The following CCL23 variants were observed in gnomAD, a reference collection of about 807,000 sequenced individuals.
CCL23 encodes the protein C-C motif chemokine ligand 23.
In CCL23, 10 loss-of-function variants were observed where a neutral mutation model predicts 11.8. That is an observed-to-expected ratio of 0.84 (90% CI 0.52 to 1.43). The LOEUF is 1.43. CCL23 is among the 40% of genes most tolerant of loss of function. The pLI, the probability that CCL23 is intolerant of heterozygous loss-of-function variation, is 0.00. For missense variants in CCL23, 181 were observed against 170.9 expected, an observed-to-expected ratio of 1.06 and a Z score of -0.33; for synonymous variants, 60 against 61.0, an observed-to-expected ratio of 0.98 and a Z score of 0.07.
At chr17:36,014,914 A>G (rs1378235946) in intron 1 of CCL23, among the ~76,000 whole-genome samples, 1 of 151,986 alleles carries the variant, frequency 6.6e-6, no homozygotes, top group Non-Finnish European at 1.5e-5. Context: ...AGTACCATCA[A>G]TATATGTTTA....
rs1187498231 is a variant in CCL23 at position 36,013,795 on chromosome 17, A to T, written c.251T>A (p.Leu84His). Residue 84 changes from leucine to histidine, a missense_variant, in exon 3 of 4, where the codon CTC becomes CAC. Transcript: ENST00000615050. ...SYTPRSIPCS[L>H]LESYFETNSE... is the part of the protein sequence containing the mutation. Reference sequence around the variant, plus strand: ...GTTCGTTTCAAAGTAACTCTCCAGGAGTGAACACGGGATGCTTCGTGGGGT... The same window carrying T: ...GTTCGTTTCAAAGTAACTCTCCAGGTGTGAACACGGGATGCTTCGTGGGGT... 7 of 1,614,186 alleles carry T rather than the reference A, an allele frequency of 4.3e-6. 1 individual carries two copies. In the South Asian group the frequency reaches 7.7e-5, roughly 18 times the overall value.
chr17:36,014,848 T>C (rs2090086021), intron 1 of CCL23, among the ~76,000 whole-genome samples: 1 of 152,190 alleles, frequency 6.6e-6, no homozygotes, highest in South Asian at 2.1e-4. Flanking sequence ...CATGTGTTTG[T>C]TACAGGAGGT....
At chr17:36,016,472 C>T (rs1281033294) in intron 1 of CCL23, among the ~76,000 whole-genome samples, 1 of 152,118 alleles carries the variant, frequency 6.6e-6, no homozygotes, top group Non-Finnish European at 1.5e-5. Context: ...TGGTTTCCGG[C>T]TTTATCCATG....
intron 1 of CCL23, among the ~76,000 whole-genome samples, chr17:36,015,982 T>G (rs1734950): frequency 0.12 from 17,996 of 151,850 alleles, 2,500 homozygotes; most frequent in African/African-American, 0.32. Flanking sequence ...AGGTAGAGGT[T>G]GCAGTGAGCC....
At chr17:36,015,093 T>C (rs2090088375) in intron 1 of CCL23, among the ~76,000 whole-genome samples, 1 of 152,192 alleles carries the variant, frequency 6.6e-6, no homozygotes. Flanking sequence ...AACTCTGTAT[T>C]CATTAAACAA....
At position 36,014,519 on chromosome 17, in the gene CCL23, C is replaced by A. The variant is rs559321014; in HGVS notation, c.77-126G>T. On this transcript the variant is annotated intron_variant, in intron 1 of 3. Coordinates refer to ENST00000615050, the MANE Select transcript of CCL23 (RefSeq NM_005064.6). ...GGTCCCTGAAGCTGGACCACCACCA[C>A]CTGTCTGGGCTCTAGGCCTGACTCC... 327 of 731,396 alleles carry A rather than the reference C, an allele frequency of 4.5e-4. 1 individual carries two copies. Among genetic ancestry groups the A allele is most frequent in the Middle Eastern group, 3.4e-3 (14 of 4,164 alleles). The allele number at this position is 731,396 out of a possible 1,614,324, so 45.3% of individuals were successfully genotyped here.
At chr17:36,013,461 C>A (rs1010822948) in intron 3 of CCL23, among the ~76,000 whole-genome samples, 153 bp from the exon 4 acceptor site, 3 of 151,788 alleles carry the variant, frequency 2.0e-5, no homozygotes, top group Non-Finnish European at 2.9e-5. Context: ...CAGCTCAGGG[C>A]CATTGTGCTC....
intron 1 of CCL23, among the ~76,000 whole-genome samples, chr17:36,017,293 A>T (rs775543967): frequency 1.3e-5 from 2 of 152,184 alleles, no homozygotes; most frequent in Non-Finnish European, 2.9e-5. Flanking sequence ...GGTGGAACTG[A>T]TGTGTTAATA....
intron 1 of CCL23, among the ~76,000 whole-genome samples, chr17:36,016,295 G>C (rs146098616): frequency 6.6e-6 from 1 of 151,986 alleles, no homozygotes. Context: ...CATGCACCAG[G>C]TATTTGTCCT....
At chr17:36,014,969 T>C (rs1474449535) in intron 1 of CCL23, among the ~76,000 whole-genome samples, 5 of 152,170 alleles carry the variant, frequency 3.3e-5, no homozygotes, top group Non-Finnish European at 7.3e-5. Context: ...TATATATATA[T>C]ATATAACGTA....
chr17:36,014,811 T>C (rs2090085833), intron 1 of CCL23, among the ~76,000 whole-genome samples: 1 of 152,174 alleles, frequency 6.6e-6, no homozygotes. Context: ...ATTATGGTCA[T>C]TATTTATCCC....
At chr17:36,015,279 G>T (rs1421283994) in intron 1 of CCL23, among the ~76,000 whole-genome samples, 1 of 152,102 alleles carries the variant, frequency 6.6e-6, no homozygotes, top group Non-Finnish European at 1.5e-5. Context: ...GCATGTGTCA[G>T]AATCTCCTTA....
In CCL23 at chr17:36,013,069, T is replaced by C. The variant is rs996645184; in HGVS notation, c.*128A>G. ...CTATCACACAAAAAAAGTGAGAAAC[T>C]GTTTATTAGATGAATTGCTCTAAAT... On this transcript the variant is annotated 3_prime_UTR_variant, in exon 4 of 4. Transcript: ENST00000615050. The C allele has an allele frequency of 1.1e-5, 7 of 647,650 alleles. No individual in the cohort carries two copies. Among genetic ancestry groups the C allele is most frequent in the Non-Finnish European group, 2.0e-5 (7 of 357,368 alleles). The allele number at this position is 647,650 out of a possible 1,614,324, so 40.1% of individuals were successfully genotyped here.
chr17:36,013,574 G>A (rs1294185398), intron 3 of CCL23, 170 bp downstream of exon 3: 3 of 656,242 alleles, frequency 4.6e-6, no homozygotes, highest in African/African-American at 3.6e-5. Flanking sequence ...TTTCCCCCTG[G>A]GAGTGTCTCA....
chr17:36,015,759 G>T lies in CCL23; in HGVS notation c.77-1366C>A, dbSNP rs994712952. ...ATAAAGCTAGCCTTAAAATTTGGCCGGGTGCGGTGGCTCACGCCTGTAATC... is the reference window on the plus strand; with the variant it reads ...ATAAAGCTAGCCTTAAAATTTGGCCTGGTGCGGTGGCTCACGCCTGTAATC... On this transcript the variant is annotated intron_variant, in intron 1 of 3. Transcript: ENST00000615050. 9.2e-5 allele frequency among the ~76,000 whole-genome samples: 14 copies of T among 152,212 alleles called. 1 individual carries two copies. The highest frequency in any genetic ancestry group is 5.2e-4 in the Admixed American group (8 of 15,296).
chr17:36,014,183 CCA>C, intron 2 of CCL23, 149 bp downstream of exon 2: 1 of 476,392 alleles, frequency 2.1e-6, no homozygotes, highest in Non-Finnish European at 3.5e-6. Flanking sequence ...GAGGGGGTTC[CCA>C]TAGCCCGTCC....
In CCL23 at chr17:36,013,749, AC is replaced by A. The variant is rs1436538221; in HGVS notation, c.296del (p.Gly99ValfsTer25). On this transcript the variant is annotated frameshift_variant, in exon 3 of 4. Transcript: ENST00000615050. LOFTEE classifies it low-confidence loss of function (END_TRUNC). ...TTGGTGAGCTTGGCACCTACATGACACCCGGCTTGGAGCACTCGCTGTTCGT... is the reference window on the plus strand; with the variant it reads ...TTGGTGAGCTTGGCACCTACATGACACCGGCTTGGAGCACTCGCTGTTCGT... ...FETNSECSKP[G>X]VIFLTKKGRR... The A allele has an allele frequency of 3.1e-6, 5 of 1,614,002 alleles. No homozygotes were observed. The highest frequency in any genetic ancestry group is 1.7e-5 in the Admixed American group (1 of 60,018).
rs369023759 is a variant in CCL23 at position 36,017,904 on chromosome 17, G to T, written c.-7C>A. 1 of 1,613,358 alleles carries T rather than the reference G, an allele frequency of 6.2e-7. No homozygotes were observed. Among genetic ancestry groups the T allele is most frequent in the Non-Finnish European group, 8.5e-7 (1 of 1,180,004 alleles). On this transcript the variant is annotated 5_prime_UTR_variant, in exon 1 of 4. Transcript: ENST00000615050. ...CAGCCACGGAGACCTTCATCCTCCT[G>T]GTGGGCAGGCAGGGCTGGCCGAGGA... is the stretch of plus-strand genomic sequence containing the variant.
At position 36,014,410 on chromosome 17, in the gene CCL23, G is replaced by A; in HGVS notation, c.77-17C>T. On this transcript the variant is annotated splice_polypyrimidine_tract_variant and intron_variant, in intron 1 of 3. Coordinates refer to ENST00000615050, the MANE Select transcript of CCL23 (RefSeq NM_005064.6). ...TCTCTGCATCTGGAAGAAGCAGACA[G>A]GACAGGGAAGGAAATCACTGGGCGG... The A allele has an allele frequency of 6.2e-7, 1 of 1,602,882 alleles. No homozygotes were observed. The highest frequency in any genetic ancestry group is 1.1e-5 in the South Asian group (1 of 90,840).
Sources: gnomAD v4.1 joint callset for allele counts (sites outside exome capture counted in the v4.1 genomes callset) on GRCh38, gnomAD v4.1.1 for gene constraint, MANE v1.5 for transcripts, NCBI Gene and HGNC (gene_info 2026-07-23, HGNC 2026-07-21) for gene names.